The following ELMO1 variants were observed in gnomAD, a reference collection of about 807,000 sequenced individuals.
The protein encoded by ELMO1 is engulfment and cell motility 1, also known as engulfment and cell motility protein 1.
In ELMO1, 26 loss-of-function variants were observed where a neutral mutation model predicts 98.9. The ratio of observed to expected loss-of-function variants is 0.26; its 90% CI spans 0.19 to 0.36. ELMO1 has a LOEUF of 0.36. Among genes scored for constraint, ELMO1 ranks in the 10% least tolerant of loss-of-function variants. The pLI is 1.00. For missense variants in ELMO1, 627 were observed against 935.2 expected (o/e 0.67, Z 4.30); for synonymous variants, 346 against 346.0 (o/e 1.00, Z 0.00).
rs1328336385 is a variant in ELMO1 at position 37,171,079 on chromosome 7, C to T, written c.1087-37845G>A. Reference sequence around the variant, plus strand: ...CTTGAGTTGAAAGTGATTCAGAAGACTTAAACTTTCTTGTACAGAAGTTTC... The same window carrying T: ...CTTGAGTTGAAAGTGATTCAGAAGATTTAAACTTTCTTGTACAGAAGTTTC... On this transcript the variant is annotated intron_variant, in intron 13 of 21. Coordinates refer to ENST00000310758, the MANE Select transcript of ELMO1 (RefSeq NM_014800.11). 2.0e-5 allele frequency among the ~76,000 whole-genome samples: 3 copies of T among 152,168 alleles called. No individual in the cohort carries two copies. In the East Asian group the frequency reaches 5.8e-4, roughly 29 times the overall value.
At chr7:37,418,486 A>G (rs1317068200) in intron 1 of ELMO1, among the ~76,000 whole-genome samples, 1 of 152,168 alleles carries the variant, frequency 6.6e-6, no homozygotes, top group Non-Finnish European at 1.5e-5. Context: ...CAATAAGGTA[A>G]GGCCCGTAGG....
At chr7:37,108,230 T>C (rs1389566241) in intron 14 of ELMO1, among the ~76,000 whole-genome samples, 4 of 152,156 alleles carry the variant, frequency 2.6e-5, no homozygotes, top group Non-Finnish European at 5.9e-5. Flanking sequence ...TCTTGCCTAC[T>C]CCTGCTAGAG....
Position 37,176,597 on chromosome 7 carries a change from G to C in ELMO1, c.1086+34789C>G, listed in dbSNP as rs555235177. 3.9e-5 allele frequency among the ~76,000 whole-genome samples: 6 copies of C among 152,202 alleles called. No homozygotes were observed. The East Asian group carries it at 1.2e-3, about 29-fold the overall frequency. On this transcript the variant is annotated intron_variant, in intron 13 of 21. Transcript: ENST00000310758. Reference sequence around the variant, plus strand: ...AATGAACAGCCATAAAAGTAATTGTGGTATAACAATATGAAAAAGTGCTTG... The same window carrying C: ...AATGAACAGCCATAAAAGTAATTGTCGTATAACAATATGAAAAAGTGCTTG...
At chr7:37,346,128 G>A (rs1378477462) in intron 1 of ELMO1, among the ~76,000 whole-genome samples, 1 of 152,194 alleles carries the variant, frequency 6.6e-6, no homozygotes, top group African/African-American at 2.4e-5. Context: ...CCTGAAACAG[G>A]TGACTTGCTG....
chr7:37,284,243 A>G (rs1797282542), intron 4 of ELMO1, among the ~76,000 whole-genome samples: 1 of 152,108 alleles, frequency 6.6e-6, no homozygotes, highest in African/African-American at 2.4e-5. Flanking sequence ...GAGGCAACGG[A>G]CCCAGGGCCA....
chr7:37,097,792 C>A (rs1409827263), intron 14 of ELMO1, among the ~76,000 whole-genome samples: 1 of 152,062 alleles, frequency 6.6e-6, no homozygotes, highest in Non-Finnish European at 1.5e-5. Flanking sequence ...CAGCAAGAGA[C>A]CTAGAAGTGT....
intron 13 of ELMO1, among the ~76,000 whole-genome samples, chr7:37,200,708 G>A (rs1456581123): frequency 6.6e-6 from 1 of 152,134 alleles, no homozygotes; most frequent in African/African-American, 2.4e-5. Context: ...GCTCACACCT[G>A]TAATCCAAGC....
chr7:37,198,042 C>G (rs1010920763), intron 13 of ELMO1, among the ~76,000 whole-genome samples: 3 of 152,202 alleles, frequency 2.0e-5, no homozygotes, highest in African/African-American at 7.2e-5. Flanking sequence ...TTTTGAAAAT[C>G]TGCACAAGAG....
At position 37,216,661 on chromosome 7, in the gene ELMO1, C is replaced by A. The variant is rs1448608892; in HGVS notation, c.815G>T (p.Arg272Leu). 2.5e-6 allele frequency: 4 copies of A among 1,613,998 alleles called. No homozygotes were observed. Among genetic ancestry groups the A allele is most frequent in the Admixed American group, 3.3e-5 (2 of 60,010 alleles). ...MANILAQKQL[R>L]SIILTHVIRA... is the part of the protein sequence containing the mutation. ...GGTACTCACTGTTAAAATGATGGAA[C>A]GCAGTTGCTTCTGAGCCAAAATATT... Residue 272 changes from arginine to leucine, a missense_variant, in exon 11 of 22, where the codon CGT (arginine) becomes CTT (leucine). Around this residue, in one of 3 missense-constraint regions of ELMO1, gnomAD observed 492 missense variants for 715.6 expected, o/e 0.69. Transcript: ENST00000310758.
At chr7:37,302,451 G>A (rs1305802468) in intron 4 of ELMO1, among the ~76,000 whole-genome samples, 1 of 152,018 alleles carries the variant, frequency 6.6e-6, no homozygotes, top group African/African-American at 2.4e-5. Context: ...GTGCCCTCTT[G>A]TTGGAACTCC....
intron 15 of ELMO1, among the ~76,000 whole-genome samples, chr7:37,050,905 G>C (rs1796079098): frequency 1.3e-5 from 2 of 151,694 alleles, no homozygotes; most frequent in Non-Finnish European, 2.9e-5. Flanking sequence ...TCCAACCAAG[G>C]CTAATGACCA....
rs114024883 is a variant in ELMO1 at position 36,874,877 on chromosome 7, C to T, written c.1822+3133G>A. ...GATTTTCAAAGGCCAAATTTCCTGA[C>T]AAAGAAAAGGAATACAAAAAGAAAG... On this transcript the variant is annotated intron_variant, in intron 19 of 21. Coordinates refer to ENST00000310758, the MANE Select transcript of ELMO1 (RefSeq NM_014800.11). 4.3e-3 allele frequency among the ~76,000 whole-genome samples: 654 copies of T among 152,210 alleles called. 7 individuals are homozygous for T. The highest frequency in any genetic ancestry group is 0.015 in the African/African-American group (636 of 41,522).
chr7:36,987,167 G>A (rs184279122), intron 16 of ELMO1, among the ~76,000 whole-genome samples: 4 of 152,242 alleles, frequency 2.6e-5, no homozygotes, highest in South Asian at 2.1e-4. Flanking sequence ...CTGAACACTA[G>A]GGATCTCCCT....
intron 13 of ELMO1, among the ~76,000 whole-genome samples, chr7:37,182,538 G>T (rs756098928): frequency 1.4e-5 from 2 of 139,428 alleles, no homozygotes; most frequent in Admixed American, 1.6e-4. Context: ...TGGCACGATC[G>T]GTCTCGCTCT....
intron 16 of ELMO1, among the ~76,000 whole-genome samples, chr7:36,907,183 G>C (rs1784025287): frequency 6.6e-6 from 1 of 152,130 alleles, no homozygotes; most frequent in South Asian, 2.1e-4. Context: ...TCTTCATGAA[G>C]GCCAGGGACG....
At chr7:37,409,117 C>T (rs932156342) in intron 1 of ELMO1, among the ~76,000 whole-genome samples, 5 of 136,704 alleles carry the variant, frequency 3.7e-5, no homozygotes, top group Non-Finnish European at 6.2e-5. Context: ...TGACACACAG[C>T]AGAGTTTTGC....
In ELMO1 at chr7:37,321,716, CA is replaced by C. The variant is rs565421716; in HGVS notation, c.79-5757del. On this transcript the variant is annotated intron_variant, in intron 2 of 21. Transcript: ENST00000310758. ...TGGGCAACAGAGCGAGACTCCGTCTCAAAAAAAAAAAAAAAAAAAAAACACA... is the reference window on the plus strand; with the variant it reads ...TGGGCAACAGAGCGAGACTCCGTCTCAAAAAAAAAAAAAAAAAAAAACACA... Among the ~76,000 whole-genome samples, 213 of 66,072 alleles carry C rather than the reference CA, an allele frequency of 3.2e-3. 1 individual carries two copies. The highest frequency in any genetic ancestry group is 0.012 in the South Asian group (21 of 1,798). The allele number at this position is 66,072 out of a possible 152,430, so 43.3% of individuals were successfully genotyped here.
At chr7:37,306,383 A>T (rs1223216262) in intron 4 of ELMO1, among the ~76,000 whole-genome samples, 4 of 152,236 alleles carry the variant, frequency 2.6e-5, no homozygotes, top group Admixed American at 1.3e-4. Context: ...CACCTTGAAC[A>T]CTGGCTTAAG....
rs1802109361 is a variant in ELMO1, at chr7:36,855,214, C to A, written c.*337G>T. 1 of 331,372 alleles carries A rather than the reference C, an allele frequency of 3.0e-6. No individual in the cohort carries two copies. Among genetic ancestry groups the A allele is most frequent in the African/African-American group, 2.1e-5 (1 of 47,280 alleles). 20.5% of individuals were successfully genotyped at this position (331,372 alleles called of 1,614,324 possible). A position where few individuals can be genotyped will look rare whatever the true frequency, so the allele number is the denominator to read the frequency against. ...TGGGCAGTCTGGGGCTGCTGGCTTT[C>A]CTGCCCAAGGGAAGGAAGGGCATGC... On this transcript the variant is annotated 3_prime_UTR_variant, in exon 22 of 22. Coordinates refer to ENST00000310758, the MANE Select transcript of ELMO1 (RefSeq NM_014800.11). This position sits in a 1 kb window ranked among gnomAD's most constrained non-coding sequence, Gnocchi z 4.2.
Sources: gnomAD v4.1 joint callset for allele counts (sites outside exome capture counted in the v4.1 genomes callset) on GRCh38, gnomAD v4.1.1 for gene constraint, gnomAD v4.1.1 regional missense constraint, Gnocchi (gnomAD v3.1) non-coding constraint, MANE v1.5 for transcripts, NCBI Gene and HGNC (gene_info 2026-07-23, HGNC 2026-07-21) for gene names.